The following ZNF773 variants were observed in gnomAD, a reference collection of about 807,000 sequenced individuals.
ZNF773 encodes the protein zinc finger protein 419B.
A neutral mutation model predicts 12.8 loss-of-function variants in ZNF773; 11 were observed. That is an observed-to-expected ratio of 0.86 (90% confidence interval 0.54 to 1.42). The LOEUF (loss-of-function observed/expected upper bound fraction) is 1.42, where lower values mean the gene tolerates loss of function less well. ZNF773 is among the 40% of genes most tolerant of loss of function. The pLI is 0.00. For missense variants in ZNF773, 518 were observed against 527.2 expected, an observed-to-expected ratio of 0.98 and a Z score of 0.17; for synonymous variants, 175 against 178.4, an observed-to-expected ratio of 0.98 and a Z score of 0.15.
At chr19:57,516,431 A>C (rs528785278), downstream of ZNF773, 1 of 152,572 alleles carries the variant, frequency 6.6e-6, no homozygotes, top group South Asian at 2.1e-4. Flanking sequence ...ACTCCTCCTG[A>C]GATATATCAT....
chr19:57,509,221 A>G (rs1389444345), downstream of ZNF773, among the ~76,000 whole-genome samples: 4 of 152,234 alleles, frequency 2.6e-5, no homozygotes, highest in Non-Finnish European at 5.9e-5. Flanking sequence ...TTACTATACC[A>G]TATCTTTGCC....
At chr19:57,509,470 C>G (rs985251882), downstream of ZNF773, among the ~76,000 whole-genome samples, 1 of 152,164 alleles carries the variant, frequency 6.6e-6, no homozygotes, top group African/African-American at 2.4e-5. Context: ...GGAAGCAGAA[C>G]TCCTTAGAGA....
downstream of ZNF773, among the ~76,000 whole-genome samples, chr19:57,511,405 G>A (rs66948094): frequency 0.21 from 31,461 of 152,046 alleles, 3,382 homozygotes; most frequent in African/African-American, 0.25. Context: ...CAAGACTTAT[G>A]AATGTACGGT....
chr19:57,504,540 G>A (rs1344160044), intron 1 of ZNF773, 117 bp from the exon 2 acceptor site: 13 of 1,465,584 alleles, frequency 8.9e-6, no homozygotes, highest in East Asian at 4.6e-5. Context: ...TTCTGGGGCA[G>A]GGTCTCTCTT....
At position 57,508,114 on chromosome 19, in the gene ZNF773, T is replaced by C. The variant is rs56366060; in HGVS notation, c.*690T>C. The stretch of plus-strand genomic sequence containing the variant: ...CGAGATCACGCCACTGCACTCCAGC[T>C]TGGGTGACAGAGTGAGACTTCGTCT... On this transcript the variant is annotated 3_prime_UTR_variant, in exon 4 of 4. Coordinates refer to ENST00000282292, the MANE Select transcript of ZNF773 (RefSeq NM_198542.3). 156,022 of 905,292 alleles carry C rather than the reference T, an allele frequency of 0.17. 14,499 individuals are homozygous for C. Among genetic ancestry groups the C allele is most frequent in the African/African-American group, 0.27 (14,072 of 52,636 alleles). 56.1% of individuals were successfully genotyped at this position (905,292 alleles called of 1,614,324 possible).
At chr19:57,511,160 C>T (rs1399976834), downstream of ZNF773, among the ~76,000 whole-genome samples, 2 of 151,700 alleles carry the variant, frequency 1.3e-5, no homozygotes, top group African/African-American at 2.4e-5. Context: ...ATGCCATTCT[C>T]CTGCCTCAGC....
At chr19:57,509,928 A>C (rs2089781893), downstream of ZNF773, among the ~76,000 whole-genome samples, 1 of 152,218 alleles carries the variant, frequency 6.6e-6, no homozygotes. Context: ...GAAAAGTTCA[A>C]ACACTTCTGA....
At chr19:57,505,859 G>A (rs566138669) in intron 3 of ZNF773, among the ~76,000 whole-genome samples, 5 of 151,922 alleles carry the variant, frequency 3.3e-5, no homozygotes, top group South Asian at 2.1e-4. Context: ...ACAGGCGCCC[G>A]CCACCATGCC....
chr19:57,509,011 A>C (rs1200827397), downstream of ZNF773, among the ~76,000 whole-genome samples: 2 of 152,126 alleles, frequency 1.3e-5, no homozygotes, highest in African/African-American at 4.8e-5. Context: ...TGTTACATAG[A>C]CTAGTCTCTA....
chr19:57,510,577 G>A (rs1348353762), downstream of ZNF773, among the ~76,000 whole-genome samples: 5 of 151,994 alleles, frequency 3.3e-5, no homozygotes, highest in African/African-American at 9.7e-5. Flanking sequence ...CATATAACAT[G>A]ATAATATTGA....
chr19:57,506,891 C>G lies in ZNF773; in HGVS notation c.796C>G (p.Gln266Glu). The change falls in exon 4 of 4, where the codon CAG (glutamine) becomes GAG (glutamate). Residue 266 changes from glutamine (Q) to glutamate (E), a missense_variant. By Grantham distance (29) the Gln-to-Glu change is conservative. Coordinates refer to ENST00000282292, the MANE Select transcript of ZNF773 (RefSeq NM_198542.3). ...FSRNADLIQHQRVHTGEKPFT... is the reference protein window; with the variant it reads ...FSRNADLIQHERVHTGEKPFT... ...CCGTAATGCTGACCTCATTCAACAC[C>G]AGAGAGTTCACACTGGAGAAAAGCC... 1 of 1,614,060 alleles carries G rather than the reference C, an allele frequency of 6.2e-7. No individual in the cohort carries two copies. Among genetic ancestry groups the G allele is most frequent in the South Asian group, 1.1e-5 (1 of 91,070 alleles).
downstream of ZNF773, chr19:57,508,568 A>G (rs2089772253): frequency 1.4e-6 from 1 of 700,452 alleles, no homozygotes; most frequent in African/African-American, 1.8e-5. Context: ...ATATTCTGTA[A>G]GTTGATCCAA....
chr19:57,511,347 G>A (rs531133804), downstream of ZNF773, among the ~76,000 whole-genome samples: 18 of 152,080 alleles, frequency 1.2e-4, no homozygotes, highest in Admixed American at 5.2e-4. Flanking sequence ...CACCATGCCC[G>A]GCCAACAATT....
At chr19:57,503,750 C>T (rs993504419) in intron 1 of ZNF773, among the ~76,000 whole-genome samples, 3 of 151,832 alleles carry the variant, frequency 2.0e-5, no homozygotes, top group South Asian at 4.2e-4. Context: ...CTCCACCTCC[C>T]GGGTTCAAGC....
intron 1 of ZNF773, among the ~76,000 whole-genome samples, chr19:57,500,634 C>T (rs1568577542): frequency 6.6e-6 from 1 of 152,148 alleles, no homozygotes; most frequent in South Asian, 2.1e-4. Context: ...ACGGGAATTC[C>T]TGTTGCATCA....
downstream of ZNF773, chr19:57,514,068 C>G (rs1274863532): frequency 6.6e-6 from 1 of 152,166 alleles, no homozygotes; most frequent in Non-Finnish European, 1.5e-5. Context: ...ATTAAAGGAG[C>G]CTTGTAATGT....
At chr19:57,514,320 G>T (rs925945673), downstream of ZNF773, 4 of 152,230 alleles carry the variant, frequency 2.6e-5, no homozygotes, top group Non-Finnish European at 5.9e-5. Flanking sequence ...AACTTTGAAT[G>T]ATTTCCAACA....
intron 3 of ZNF773, among the ~76,000 whole-genome samples, chr19:57,506,051 G>A (rs2012546): frequency 0.21 from 31,480 of 152,022 alleles, 3,384 homozygotes; most frequent in African/African-American, 0.25. Flanking sequence ...CTTCTGTGCC[G>A]TGTTCCTGTG....
rs377534143 is a variant in ZNF773 at position 57,506,477 on chromosome 19, C to T, written c.382C>T (p.Gln128Ter). The change falls in exon 4 of 4, where the codon CAA becomes TAA. Residue 128 changes from glutamine (Q) to a stop codon, truncating the protein, a stop_gained. Transcript: ENST00000282292. LOFTEE classifies it low-confidence loss of function (END_TRUNC). ...QHCGEKPLKR[Q>*]EGRVPVLRSC... ...CTGTGGAGAGAAACCCTTAAAAAGA[C>T]AAGAGGGCAGGGTCCCAGTTTTGAG... The T allele has an allele frequency of 1.9e-6, 3 of 1,614,084 alleles. No individual in the cohort carries two copies. Among genetic ancestry groups the T allele is most frequent in the African/African-American group, 1.3e-5 (1 of 74,922 alleles).
Sources: gnomAD v4.1 joint callset for allele counts (sites outside exome capture counted in the v4.1 genomes callset) on GRCh38, gnomAD v4.1.1 for gene constraint, MANE v1.5 for transcripts, NCBI Gene and HGNC (gene_info 2026-07-23, HGNC 2026-07-21) for gene names.